AAR2: variants seen among roughly 807,000 people sequenced by gnomAD.
The protein encoded by AAR2 is protein AAR2 homolog.
Under a neutral mutation model 26.9 loss-of-function variants are expected in AAR2, and 31 were observed. That is an observed-to-expected ratio of 1.15 (90% CI 0.86 to 1.55). AAR2 has a LOEUF of 1.55. Ranked by LOEUF, AAR2 falls within the 40% of genes most tolerant of loss-of-function variation. AAR2 has a pLI of 0.00. For missense variants in AAR2, 430 were observed against 491.3 expected, an observed-to-expected ratio of 0.88 and a Z score of 1.18; for synonymous variants, 188 against 196.1, an observed-to-expected ratio of 0.96 and a Z score of 0.34.
chr20:36,246,847 C>T (rs1343829123), intron 3 of AAR2, among the ~76,000 whole-genome samples: 10 of 152,156 alleles, frequency 6.6e-5, no homozygotes, highest in Admixed American at 6.5e-5. Flanking sequence ...TGGAAAAATC[C>T]AGGGCATGTG....
chr20:36,255,793 A>G lies in AAR2; in HGVS notation c.*48A>G. 6.2e-7 allele frequency: 1 copy of G among 1,600,162 alleles called. No individual in the cohort carries two copies. Among genetic ancestry groups the G allele is most frequent in the Non-Finnish European group, 8.5e-7 (1 of 1,171,752 alleles). ...GAGGGGCCCCTTCCCACAGGGCTGC[A>G]GTCCTGGCCTCTCCATTTACTTCTT... On this transcript the variant is annotated 3_prime_UTR_variant, in exon 4 of 4. Transcript: ENST00000320849.
chr20:36,237,750 G>GTATTATTAT (rs71184090), intron 1 of AAR2, among the ~76,000 whole-genome samples: 2,341 of 139,018 alleles, frequency 0.017, 36 homozygotes, highest in East Asian at 0.043. Context: ...AAGATGATAC[G>GTATTATTAT]TATTATTATT....
chr20:36,254,075 C>T lies in AAR2; in HGVS notation c.988-1503C>T, dbSNP rs562963423. ...AACAGGGAGTTCCCGTATGATCCAA[C>T]AGCTCCACTCCTGGGTTTCTGTGCA... On this transcript the variant is annotated intron_variant, in intron 3 of 3. Transcript: ENST00000320849. 3.3e-5 allele frequency among the ~76,000 whole-genome samples: 5 copies of T among 152,292 alleles called. No homozygotes were observed. The East Asian group carries it at 7.7e-4, about 23-fold the overall frequency.
chr20:36,252,638 CAG>C (rs1259543544), intron 3 of AAR2, among the ~76,000 whole-genome samples: 1 of 152,104 alleles, frequency 6.6e-6, no homozygotes, highest in Non-Finnish European at 1.5e-5. Context: ...AGCGTGTGTG[CAG>C]AGAGGCGCAG....
At chr20:36,247,173 A>G (rs1360225173) in intron 3 of AAR2, among the ~76,000 whole-genome samples, 3 of 152,238 alleles carry the variant, frequency 2.0e-5, no homozygotes, top group Non-Finnish European at 2.9e-5. Context: ...AAGTTAACAG[A>G]AAGTTAACTA....
chr20:36,251,885 C>T (rs573496873), intron 3 of AAR2, among the ~76,000 whole-genome samples: 2 of 152,336 alleles, frequency 1.3e-5, no homozygotes, highest in Non-Finnish European at 2.9e-5. Flanking sequence ...TTGTTCCAGC[C>T]TGTCACTCCT....
rs749053542 is a variant in AAR2, at chr20:36,255,686, G to T, written c.1096G>T (p.Glu366Ter). ...GAAGTTCCGGTGGGACTTTGCTGCG[G>T]AACCTGAGGACTGTGCCCCGGTGGT... ...TKKFRWDFAA[E>*]PEDCAPVVVE... The change falls in exon 4 of 4, where the codon GAA (glutamate) becomes TAA (stop). Residue 366 changes from glutamate (E) to a stop codon, truncating the protein, a stop_gained. Coordinates refer to ENST00000320849, the MANE Select transcript of AAR2 (RefSeq NM_001271874.2). LOFTEE classifies it high-confidence loss of function. 28 of 1,614,126 alleles carry T rather than the reference G, an allele frequency of 1.7e-5. No individual in the cohort carries two copies. The South Asian group carries it at 2.4e-4, about 14-fold the overall frequency.
At position 36,256,126 on chromosome 20, in the gene AAR2, A is replaced by G. The variant is rs2064819524; in HGVS notation, c.*381A>G. On this transcript the variant is annotated 3_prime_UTR_variant, in exon 4 of 4. Coordinates refer to ENST00000320849, the MANE Select transcript of AAR2 (RefSeq NM_001271874.2). ...TTGCTTGTTCCATAGGAGCTTAGGAAACAAGAAACCCTGGATTGCCCAGGG... is the reference window on the plus strand; with the variant it reads ...TTGCTTGTTCCATAGGAGCTTAGGAGACAAGAAACCCTGGATTGCCCAGGG... The G allele has an allele frequency of 5.9e-6, 1 of 169,582 alleles. No individual in the cohort carries two copies. The highest frequency in any genetic ancestry group is 1.6e-4 in the East Asian group (1 of 6,330). 10.5% of individuals were successfully genotyped at this position (169,582 alleles called of 1,614,324 possible).
Position 36,256,002 on chromosome 20 carries a change from C to A in AAR2, c.*257C>A. The A allele has an allele frequency of 2.0e-6, 1 of 490,378 alleles. No individual in the cohort carries two copies. The allele number at this position is 490,378 out of a possible 1,614,324, so 30.4% of individuals were successfully genotyped here. On this transcript the variant is annotated 3_prime_UTR_variant, in exon 4 of 4. Coordinates refer to ENST00000320849, the MANE Select transcript of AAR2 (RefSeq NM_001271874.2). ...CTAACCTGGCTGAATTTCACACAGGCTCTTACACACACACGCTCCTAGGAG... is the reference window on the plus strand; with the variant it reads ...CTAACCTGGCTGAATTTCACACAGGATCTTACACACACACGCTCCTAGGAG...
At chr20:36,237,012 C>T (rs1048791047) in intron 1 of AAR2, among the ~76,000 whole-genome samples, 2 of 152,104 alleles carry the variant, frequency 1.3e-5, no homozygotes, top group African/African-American at 4.8e-5. Context: ...GACCTAGCCC[C>T]AGGGCAAGGA....
At chr20:36,246,412 G>A (rs149789096) in intron 3 of AAR2, among the ~76,000 whole-genome samples, 80 of 152,308 alleles carry the variant, frequency 5.3e-4, no homozygotes, top group African/African-American at 1.9e-3. Context: ...TTTGAGCCTG[G>A]TCTGTTCCAC....
At chr20:36,254,432 G>A (rs534472585) in intron 3 of AAR2, among the ~76,000 whole-genome samples, 2 of 152,202 alleles carry the variant, frequency 1.3e-5, no homozygotes, top group Admixed American at 1.3e-4. Flanking sequence ...GGGTTGCCAG[G>A]GCCTGGTGGG....
intron 3 of AAR2, among the ~76,000 whole-genome samples, chr20:36,254,445 G>A (rs962692281): frequency 6.7e-6 from 1 of 149,204 alleles, no homozygotes; most frequent in Non-Finnish European, 1.5e-5. Context: ...CTGGTGGGAG[G>A]AGGGAAGGGG....
chr20:36,238,204 G>C (rs1229260417), intron 1 of AAR2, among the ~76,000 whole-genome samples: 1 of 152,134 alleles, frequency 6.6e-6, no homozygotes, highest in Non-Finnish European at 1.5e-5. Flanking sequence ...CCAGAAAACA[G>C]TACTTAGCTT....
At chr20:36,252,262 C>T (rs1215375435) in intron 3 of AAR2, among the ~76,000 whole-genome samples, 1 of 152,206 alleles carries the variant, frequency 6.6e-6, no homozygotes, top group Non-Finnish European at 1.5e-5. Flanking sequence ...GTGCTAGGCA[C>T]TGTACAAAAG....
At chr20:36,253,274 T>G (rs2147299560) in intron 3 of AAR2, among the ~76,000 whole-genome samples, 1 of 152,318 alleles carries the variant, frequency 6.6e-6, no homozygotes, top group East Asian at 1.9e-4. Flanking sequence ...CCCAGCATTT[T>G]CCATGGTGGC....
At chr20:36,250,904 GA>G (rs1003075977) in intron 3 of AAR2, among the ~76,000 whole-genome samples, 2 of 148,508 alleles carry the variant, frequency 1.3e-5, no homozygotes, top group African/African-American at 2.5e-5. Flanking sequence ...AAATTAAGAA[GA>G]AAAAAAAAAT....
At chr20:36,248,462 A>G (rs900326158) in intron 3 of AAR2, among the ~76,000 whole-genome samples, 2 of 151,734 alleles carry the variant, frequency 1.3e-5, no homozygotes, top group Non-Finnish European at 2.9e-5. Flanking sequence ...CAGCCTCCCA[A>G]GTAGCTGGGA....
At chr20:36,251,978 C>T (rs145002086) in intron 3 of AAR2, among the ~76,000 whole-genome samples, 1 of 152,280 alleles carries the variant, frequency 6.6e-6, no homozygotes, top group Non-Finnish European at 1.5e-5. Context: ...CTATACCTGG[C>T]CCTGGGTGAT....
Sources: allele counts gnomAD v4.1 joint callset (sites outside exome capture counted in the v4.1 genomes callset), GRCh38; gene constraint gnomAD v4.1.1; transcripts MANE v1.5; gene names NCBI Gene and HGNC (gene_info 2026-07-23, HGNC 2026-07-21).